Variants in TAB2 observed in about 807,000 individuals in gnomAD.
TAB2 encodes TGF-beta-activated kinase 1 and MAP3K7-binding protein 2.
In TAB2, 3 loss-of-function variants were observed where a neutral mutation model predicts 65.0. The observed-to-expected ratio is 0.05, with a 90% CI of 0.02 to 0.12. The LOEUF is 0.12. Among genes scored for constraint, TAB2 ranks in the 10% least tolerant of loss-of-function variants. The pLI, the probability that TAB2 is intolerant of heterozygous loss-of-function variation, is 1.00. For synonymous variants in TAB2, 298 were observed against 285.1 expected, an observed-to-expected ratio of 1.05 and a Z score of -0.46; for missense variants, 623 against 840.3, an observed-to-expected ratio of 0.74 and a Z score of 3.20.
At chr6:149,234,863 T>A (rs1374035359) in intron 1 of TAB2, among the ~76,000 whole-genome samples, 1 of 86,534 alleles carries the variant, frequency 1.2e-5, no homozygotes, top group African/African-American at 7.1e-5. Flanking sequence ...TTAGAGAGTG[T>A]GAAAAAAAAA....
In TAB2 at chr6:149,238,899, C is replaced by T. The variant is rs568923175; in HGVS notation, c.-121+20123C>T. ...AGACGACAGAGCCTTCGCCAATGTT[C>T]ATGTTCAAAACCATCCCACTTGACA... On this transcript the variant is annotated intron_variant, in intron 1 of 1. Transcript: ENST00000606202. Among the ~76,000 whole-genome samples, 196 of 152,326 alleles carry T rather than the reference C, an allele frequency of 1.3e-3. 1 individual carries two copies. Among genetic ancestry groups the T allele is most frequent in the Non-Finnish European group, 7.4e-5 (5 of 68,026 alleles).
intron 1 of TAB2, among the ~76,000 whole-genome samples, chr6:149,310,089 T>G (rs947496593): frequency 1.0e-4 from 11 of 108,560 alleles, no homozygotes; most frequent in Non-Finnish European, 2.0e-4. Flanking sequence ...CCCGGCAATT[T>G]AGGAGGCGGG....
chr6:149,296,637 T>C (rs1466444339), intron 1 of TAB2, among the ~76,000 whole-genome samples: 1 of 152,244 alleles, frequency 6.6e-6, no homozygotes, highest in African/African-American at 2.4e-5. Context: ...TCACATAAGT[T>C]ATTATTAAAG....
chr6:149,258,083 G>A (rs75324999), intron 1 of TAB2, among the ~76,000 whole-genome samples: 11 of 152,276 alleles, frequency 7.2e-5, no homozygotes, highest in East Asian at 1.9e-4. Flanking sequence ...GGCTAGGCCC[G>A]CTGGTCTGGA....
intron 1 of TAB2, among the ~76,000 whole-genome samples, chr6:149,300,296 A>G (rs530532933): frequency 1.3e-5 from 2 of 152,358 alleles, no homozygotes; most frequent in South Asian, 4.1e-4. Context: ...AAGTAAGAAT[A>G]CAACAGAGTG....
At position 149,409,973 on chromosome 6, in the gene TAB2, T is replaced by G; in HGVS notation, c.*254T>G. 1.8e-6 allele frequency: 1 copy of G among 543,486 alleles called. No individual in the cohort carries two copies. Among genetic ancestry groups the G allele is most frequent in the Non-Finnish European group, 3.3e-6 (1 of 303,690 alleles). 33.7% of individuals were successfully genotyped at this position (543,486 alleles called of 1,614,324 possible). ...GCCCACTGCCTAACTGTGTACAGTG[T>G]TACCAGTGTCCCATTATGGATAATT... is the stretch of plus-strand genomic sequence containing the variant. On this transcript the variant is annotated 3_prime_UTR_variant, in exon 7 of 7. Transcript: ENST00000637181.
In TAB2 at chr6:149,339,057, G is replaced by A. The variant is rs574261462; in HGVS notation, c.-90+21042G>A. Among the ~76,000 whole-genome samples, 21 of 152,300 alleles carry A rather than the reference G, an allele frequency of 1.4e-4. No individual in the cohort carries two copies. The South Asian group carries it at 3.3e-3, about 24-fold the overall frequency. On this transcript the variant is annotated intron_variant, in intron 1 of 6. Coordinates refer to ENST00000637181, the MANE Select transcript of TAB2 (RefSeq NM_001292034.3). ...AACTCACGTGGGAAGCACAGATAGC[G>A]TAATTTTGTTAGAAAATCTAGGATA...
At chr6:149,307,216 C>T (rs1779088110) in intron 1 of TAB2, among the ~76,000 whole-genome samples, 1 of 150,878 alleles carries the variant, frequency 6.6e-6, no homozygotes, top group South Asian at 2.1e-4. Flanking sequence ...GGAAATTTTT[C>T]TGCCACCTTA....
At chr6:149,254,020 A>AAGAAAGAAAG (rs1777936618) in intron 1 of TAB2, among the ~76,000 whole-genome samples, 1 of 149,546 alleles carries the variant, frequency 6.7e-6, no homozygotes, top group South Asian at 2.2e-4. Flanking sequence ...GAAAGAAAGA[A>AAGAAAGAAAG]AGAAAAGAAA....
At chr6:149,228,370 C>A (rs1328884563) in intron 1 of TAB2, among the ~76,000 whole-genome samples, 2 of 152,170 alleles carry the variant, frequency 1.3e-5, no homozygotes, top group African/African-American at 4.8e-5. Flanking sequence ...GTGAGGGTGG[C>A]ATCTGGGGAC....
intron 1 of TAB2, among the ~76,000 whole-genome samples, chr6:149,303,836 A>G (rs994077734): frequency 6.6e-6 from 1 of 152,212 alleles, no homozygotes; most frequent in Non-Finnish European, 1.5e-5. Context: ...ATGGAAAGGT[A>G]AAGGTGAATC....
intron 1 of TAB2, among the ~76,000 whole-genome samples, chr6:149,253,958 A>AAGAAAAAGAAAGAAAGAAAGAAAG: frequency 1.3e-5 from 1 of 76,368 alleles, no homozygotes; most frequent in East Asian, 3.5e-4. Context: ...GAAAGAAAGA[A>AAGAAAAAGAAAGAAAGAAAGAAAG]AAAGAAAGAA....
intron 1 of TAB2, chr6:149,229,794 C>G (rs1190571543): frequency 6.6e-6 from 1 of 152,208 alleles, no homozygotes; most frequent in Non-Finnish European, 1.5e-5. Context: ...AAAATGTCAT[C>G]CTTGACTCCA....
upstream of TAB2, chr6:149,317,526 G>C (rs1270111990): frequency 6.4e-6 from 1 of 156,810 alleles, no homozygotes; most frequent in African/African-American, 2.4e-5. This position sits in a 1 kb window ranked among gnomAD's most constrained non-coding sequence, Gnocchi z 4.7. Flanking sequence ...TTTGCCGGCC[G>C]CCGCGCCGCC....
intron 1 of TAB2, among the ~76,000 whole-genome samples, chr6:149,231,255 G>C (rs372748443): frequency 3.9e-5 from 6 of 152,344 alleles, no homozygotes; most frequent in African/African-American, 1.4e-4. Flanking sequence ...GGGCAGTGGA[G>C]CTGATGATTA....
chr6:149,329,844 ATTGT>A (rs1281110632), intron 1 of TAB2, among the ~76,000 whole-genome samples: 1 of 152,170 alleles, frequency 6.6e-6, no homozygotes, highest in Non-Finnish European at 1.5e-5. Flanking sequence ...TTCTTAGAAC[ATTGT>A]TTATTTATTG....
intron 1 of TAB2, among the ~76,000 whole-genome samples, chr6:149,287,785 T>A (rs903792353): frequency 7.2e-5 from 11 of 152,214 alleles, no homozygotes; most frequent in Non-Finnish European, 2.9e-5. Flanking sequence ...AAAAGGCAGG[T>A]TAGTGCTGAA....
intron 1 of TAB2, among the ~76,000 whole-genome samples, chr6:149,277,918 G>A (rs1778506223): frequency 6.6e-6 from 1 of 151,444 alleles, no homozygotes; most frequent in Non-Finnish European, 1.5e-5. Flanking sequence ...GACATGATTT[G>A]TGACACATTT....
intron 6 of TAB2, among the ~76,000 whole-genome samples, chr6:149,403,351 C>CACATATATACATATATAT (rs1782546872): frequency 3.1e-5 from 4 of 130,180 alleles, no homozygotes; most frequent in African/African-American, 1.4e-4. Flanking sequence ...CACACACACA[C>CACATATATACATATATAT]ACACACACAC....
Sources: allele counts gnomAD v4.1 joint callset (sites outside exome capture counted in the v4.1 genomes callset), GRCh38; gene constraint gnomAD v4.1.1; non-coding constraint Gnocchi (gnomAD v3.1); transcripts MANE v1.5; gene names NCBI Gene and HGNC (gene_info 2026-07-23, HGNC 2026-07-21).